Variants in JUP observed in about 807,000 individuals in gnomAD.
The protein encoded by JUP is junction plakoglobin, also known as catenin (cadherin-associated protein), gamma 80kDa.
In JUP, 28 loss-of-function variants were observed where a neutral mutation model predicts 71.1. The ratio of observed to expected loss-of-function variants is 0.39; its 90% confidence interval spans 0.29 to 0.54. The LOEUF (loss-of-function observed/expected upper bound fraction) is 0.54. JUP is among the 20% of genes least tolerant of loss of function. JUP has a pLI of 0.62. For missense variants in JUP, 869 were observed against 1,030.1 expected (o/e 0.84, Z 2.14); for synonymous variants, 401 against 438.9 (o/e 0.91, Z 1.08).
chr17:41,759,371 G>A (rs1025809069), intron 8 of JUP, among the ~76,000 whole-genome samples: 7 of 152,078 alleles, frequency 4.6e-5, no homozygotes, highest in Admixed American at 1.3e-4. Context: ...TACCACGTCC[G>A]GCTGCTCATG....
chr17:41,757,802 G>A lies in JUP; in HGVS notation c.1774-18C>T, dbSNP rs1555599055. The stretch of plus-strand genomic sequence containing the variant: ...TACAGGAGCTGGGGAGAGGGGACGT[G>A]GGAAGCAGGGGAGAGGTGGAAAGGG... On this transcript the variant is annotated intron_variant, in intron 10 of 13. Coordinates refer to ENST00000393931, the MANE Select transcript of JUP (RefSeq NM_002230.4). 1 of 1,597,026 alleles carries A rather than the reference G, an allele frequency of 6.3e-7. No homozygotes were observed. The highest frequency in any genetic ancestry group is 8.5e-7 in the Non-Finnish European group (1 of 1,171,360).
intron 2 of JUP, among the ~76,000 whole-genome samples, chr17:41,770,441 T>C (rs1171480630): frequency 2.6e-5 from 4 of 152,122 alleles, no homozygotes; most frequent in Admixed American, 2.6e-4. Context: ...CTCTAATTAG[T>C]CGAGAAGGAG....
chr17:41,769,400 G>A lies in JUP; in HGVS notation c.468+18C>T, dbSNP rs1555605600. The A allele has an allele frequency of 6.2e-7, 1 of 1,605,186 alleles. No homozygotes were observed. Among genetic ancestry groups the A allele is most frequent in the South Asian group, 1.1e-5 (1 of 89,758 alleles). ...CCCTCCCTGCCCAGCCCCCACCCTA[G>A]CAGGGACCCTCACAGACCGGGTCCT... is the stretch of plus-strand genomic sequence containing the variant. On this transcript the variant is annotated intron_variant, in intron 3 of 13. Transcript: ENST00000393931.
chr17:41,771,846 C>T lies in JUP; in HGVS notation c.9G>A (p.Val3=). Residue 3 remains valine, a synonymous_variant, in exon 2 of 14, where the codon GTG becomes GTA. Coordinates refer to ENST00000393931, the MANE Select transcript of JUP (RefSeq NM_002230.4). ME[V]MNLMEQPIKV... ...TGATAGGCTGCTCCATCAGGTTCAT[C>T]ACCTCCATCGTGGCTACTGGGGGCA... The T allele has an allele frequency of 1.2e-6, 2 of 1,611,940 alleles. No individual in the cohort carries two copies. Among genetic ancestry groups the T allele is most frequent in the Non-Finnish European group, 1.7e-6 (2 of 1,179,060 alleles).
intron 1 of JUP, among the ~76,000 whole-genome samples, chr17:41,784,251 G>A (rs1366068533): frequency 2.0e-5 from 3 of 152,022 alleles, no homozygotes; most frequent in African/African-American, 4.8e-5. Flanking sequence ...TCAAAGCCTC[G>A]GCCCTGGCAG....
chr17:41,781,307 A>G (rs1303831962), intron 1 of JUP, among the ~76,000 whole-genome samples: 6 of 151,658 alleles, frequency 4.0e-5, no homozygotes, highest in Admixed American at 3.9e-4. Context: ...GTGAGCCAAG[A>G]TTGTGCCACT....
chr17:41,767,334 C>T (rs1442839151), intron 5 of JUP, 45 bp downstream of exon 5: 11 of 1,548,632 alleles, frequency 7.1e-6, no homozygotes, highest in South Asian at 4.5e-5. Context: ...TAGAAGATGG[C>T]GCAAGGGTGG....
chr17:41,758,413 G>A lies in JUP; in HGVS notation c.1759C>T (p.Pro587Ser). 1.2e-6 allele frequency: 2 copies of A among 1,613,384 alleles called. No homozygotes were observed. Among genetic ancestry groups the A allele is most frequent in the Non-Finnish European group, 1.7e-6 (2 of 1,180,018 alleles). ...CCCAGACTCACCTGCACAAACAGGGGAATGGTGTTGAGCCGGAAGATCTCC... is the reference window on the plus strand; with the variant it reads ...CCCAGACTCACCTGCACAAACAGGGAAATGGTGTTGAGCCGGAAGATCTCC... ...RMEIFRLNTI[P>S]LFVQLLYSSV... is the part of the protein sequence containing the mutation. Residue 587 changes from proline (P) to serine (S), a missense_variant, in exon 10 of 14, where the codon CCC becomes TCC. Physicochemically the swap from Pro to Ser is moderately conservative, Grantham distance 74. Transcript: ENST00000393931.
intron 2 of JUP, among the ~76,000 whole-genome samples, 200 bp from the exon 3 acceptor site, chr17:41,769,877 T>C (rs1049789690): frequency 2.0e-4 from 30 of 150,488 alleles, no homozygotes; most frequent in African/African-American, 6.9e-4. Context: ...CTCTGTAAAA[T>C]AGGCCCCACA....
intron 1 of JUP, among the ~76,000 whole-genome samples, chr17:41,781,121 C>T (rs2047137396): frequency 6.7e-6 from 1 of 149,024 alleles, no homozygotes; most frequent in East Asian, 2.0e-4. Flanking sequence ...GCGGAGCTTG[C>T]AGCGAGCGGA....
intron 1 of JUP, among the ~76,000 whole-genome samples, chr17:41,779,333 ATT>A (rs34269111): frequency 0.052 from 5,240 of 100,220 alleles, 142 homozygotes; most frequent in African/African-American, 0.15. Flanking sequence ...AAACTTCCCA[ATT>A]TTTTTTTTTT....
intron 1 of JUP, 119 bp from the exon 2 acceptor site, chr17:41,771,981 A>C: frequency 1.1e-6 from 1 of 916,962 alleles, no homozygotes; most frequent in Non-Finnish European, 1.7e-6. Flanking sequence ...AGGGATTTCA[A>C]TGAGGATGCA....
At position 41,786,582 on chromosome 17, in the gene JUP, C is replaced by G. The variant is rs2047468308; in HGVS notation, c.-9+6G>C. On this transcript the variant is annotated splice_donor_region_variant and intron_variant, in intron 1 of 13. Transcript: ENST00000393931. The stretch of plus-strand genomic sequence containing the variant: ...CAACGATACCTGCGCCCCCGATAGC[C>G]CGCACCTGAGTATGGGGCCTGACCG... 6.6e-6 allele frequency: 1 copy of G among 152,442 alleles called. No individual in the cohort carries two copies. The highest frequency in any genetic ancestry group is 1.5e-5 in the Non-Finnish European group (1 of 68,234). 9.4% of individuals were successfully genotyped at this position (152,442 alleles called of 1,614,324 possible).
rs2047404362 is a variant in JUP, at chr17:41,785,384, AG to A, written c.-9+1203del. On this transcript the variant is annotated intron_variant, in intron 1 of 13. Coordinates refer to ENST00000393931, the MANE Select transcript of JUP (RefSeq NM_002230.4). ...CAACCACTTACGCAGGCCTTGTCTG[AG>A]GGGGTGTGGTGGTCCCAGGAGGCAG... 2.0e-5 allele frequency among the ~76,000 whole-genome samples: 3 copies of A among 152,172 alleles called. No individual in the cohort carries two copies. The South Asian group carries it at 6.2e-4, about 32-fold the overall frequency.
chr17:41,768,914 G>C, intron 4 of JUP, 55 bp downstream of exon 4: 1 of 1,334,634 alleles, frequency 7.5e-7, no homozygotes. Flanking sequence ...GAAGGGAGGG[G>C]AGAGGCCCAA....
intron 7 of JUP, 51 bp downstream of exon 7, chr17:41,764,662 C>T (rs782546002): frequency 2.0e-6 from 3 of 1,473,834 alleles, no homozygotes; most frequent in Non-Finnish European, 2.8e-6. Context: ...AGACAGGAGG[C>T]TGGATGGGGC....
Position 41,763,242 on chromosome 17 carries a change from C to T in JUP, c.1238G>A (p.Gly413Asp), listed in dbSNP as rs1428354786. The change falls in exon 8 of 14, where the codon GGC becomes GAC. Residue 413 changes from glycine to aspartate, a missense_variant. Gly to Asp is a moderately conservative substitution (Grantham distance 94, BLOSUM62 -1). Transcript: ENST00000393931. Reference protein sequence around the residue: ...DDVNVLTCATGTLSNLTCNNS... With the variant: ...DDVNVLTCATDTLSNLTCNNS... ...GTTGCATGTCAGGTTGGAGAGTGTGCCCGTGGCACAGGTGAGGACGTTGAC... is the reference window on the plus strand; with the variant it reads ...GTTGCATGTCAGGTTGGAGAGTGTGTCCGTGGCACAGGTGAGGACGTTGAC... 6 of 1,614,090 alleles carry T rather than the reference C, an allele frequency of 3.7e-6. No individual in the cohort carries two copies. The South Asian group carries it at 5.5e-5, about 15-fold the overall frequency.
chr17:41,767,295 A>AG, intron 5 of JUP, 84 bp downstream of exon 5: 1 of 1,114,476 alleles, frequency 9.0e-7, no homozygotes. Context: ...AAAAGGAGTA[A>AG]GGGGGCAGCG....
Position 41,755,123 on chromosome 17 carries a change from T to A in JUP, c.*621A>T, listed in dbSNP as rs925033361. On this transcript the variant is annotated 3_prime_UTR_variant, in exon 14 of 14. Transcript: ENST00000393931. ...GACCCAGAGAAGGAACCAAAGCCCT[T>A]CCGGGCCCAGGCAGCTGGAGACAGG... The A allele has an allele frequency of 1.8e-5, 7 of 397,230 alleles. No individual in the cohort carries two copies. In the East Asian group the frequency reaches 2.5e-4, roughly 14 times the overall value. The allele number at this position is 397,230 out of a possible 1,614,324, so 24.6% of individuals were successfully genotyped here.
Sources: gnomAD v4.1 joint callset for allele counts (sites outside exome capture counted in the v4.1 genomes callset) on GRCh38, gnomAD v4.1.1 for gene constraint, MANE v1.5 for transcripts, NCBI Gene and HGNC (gene_info 2026-07-23, HGNC 2026-07-21) for gene names.